ASCC3: variants seen among roughly 807,000 people sequenced by gnomAD.
The protein encoded by ASCC3 is activating signal cointegrator 1 complex subunit 3.
Under a neutral mutation model 256.3 loss-of-function variants are expected in ASCC3, and 158 were observed. The observed-to-expected ratio is 0.62, with a 90% CI of 0.54 to 0.70. The LOEUF is 0.70. Among genes scored for constraint, ASCC3 ranks in the 30% least tolerant of loss-of-function variants. The probability of loss-of-function intolerance (pLI) is 0.00; values close to 1 mark genes in which losing one functional copy is unlikely to be tolerated. For missense variants in ASCC3, 2,259 were observed against 2,626.0 expected (o/e 0.86, Z 3.05); for synonymous variants, 948 against 883.4 (o/e 1.07, Z -1.30).
intron 22 of ASCC3, 37 bp from the exon 23 acceptor site, chr6:100,644,166 A>G: frequency 3.7e-6 from 5 of 1,336,730 alleles, no homozygotes; most frequent in Non-Finnish European, 5.4e-6. Context: ...TATGCATATC[A>G]TAACTCAAAT....
rs1256109598 is a variant in ASCC3, at chr6:100,516,217, A to G, written c.6038T>C (p.Met2013Thr). The G allele has an allele frequency of 6.2e-7, 1 of 1,613,608 alleles. No individual in the cohort carries two copies. The highest frequency in any genetic ancestry group is 8.5e-7 in the Non-Finnish European group (1 of 1,179,690). ...TGCAGCATGTAGCTCACTTTCTACC[A>G]TGGAGCTAAATACATGGTCTTTCCC... ...CGGKDHVFSS[M>T]VESELHAAKT... Residue 2013 changes from methionine (M) to threonine (T), a missense_variant, in exon 39 of 42, where the codon ATG (methionine) becomes ACG (threonine). Coordinates refer to ENST00000369162, the MANE Select transcript of ASCC3 (RefSeq NM_006828.4).
At chr6:100,836,689 T>C (rs1219776133) in intron 4 of ASCC3, among the ~76,000 whole-genome samples, 1 of 152,178 alleles carries the variant, frequency 6.6e-6, no homozygotes, top group Non-Finnish European at 1.5e-5. Flanking sequence ...TCAGCAATAC[T>C]GGCCTATAGT....
At chr6:100,807,823 A>C (rs1407709810) in intron 4 of ASCC3, among the ~76,000 whole-genome samples, 1 of 151,882 alleles carries the variant, frequency 6.6e-6, no homozygotes, top group African/African-American at 2.4e-5. Context: ...AATTACTCCT[A>C]CTATATATAG....
intron 8 of ASCC3, among the ~76,000 whole-genome samples, chr6:100,767,889 T>C (rs976926557): frequency 6.6e-6 from 1 of 152,100 alleles, no homozygotes; most frequent in African/African-American, 2.4e-5. Context: ...GTGCTGGGAT[T>C]ACAGGCGTGA....
intron 36 of ASCC3, among the ~76,000 whole-genome samples, chr6:100,571,103 A>C (rs796295372): frequency 1.1e-4 from 17 of 152,226 alleles, no homozygotes; most frequent in African/African-American, 3.6e-4. Flanking sequence ...ACTCCTTACT[A>C]TGGCCCTAGA....
chr6:100,752,465 G>A (rs868733067), intron 10 of ASCC3, among the ~76,000 whole-genome samples: 2 of 152,058 alleles, frequency 1.3e-5, no homozygotes, highest in African/African-American at 4.8e-5. Context: ...TCCTTTTGAA[G>A]TAGTTTGCCC....
chr6:100,603,687 T>A (rs1316833805), intron 33 of ASCC3, among the ~76,000 whole-genome samples: 1 of 152,144 alleles, frequency 6.6e-6, no homozygotes, highest in Non-Finnish European at 1.5e-5. Flanking sequence ...TTTTTTTACA[T>A]CTATGAAATG....
intron 10 of ASCC3, among the ~76,000 whole-genome samples, chr6:100,751,584 C>T (rs1393294824): frequency 6.6e-6 from 1 of 151,812 alleles, no homozygotes; most frequent in East Asian, 1.9e-4. Flanking sequence ...CTCCAAAAGA[C>T]AAATTATTTT....
chr6:100,642,601 T>C lies in ASCC3; in HGVS notation c.3881A>G (p.Glu1294Gly). The stretch of plus-strand genomic sequence containing the variant: ...GTTACCTGTATGAGGAGGATGTCTC[T>C]CTGGTAGAATTAGATGTTGAAAGTT... ...IINFQHLILPERHPPHTELLD... is the reference protein window; with the variant it reads ...IINFQHLILPGRHPPHTELLD... Residue 1294 changes from glutamate to glycine, a missense_variant, in exon 24 of 42, where the codon GAG becomes GGG. This residue lies in a region of ASCC3 where 1,839 missense variants were observed against 2,206.7 expected (regional missense o/e 0.83). Coordinates refer to ENST00000369162, the MANE Select transcript of ASCC3 (RefSeq NM_006828.4). The C allele has an allele frequency of 1.9e-6, 3 of 1,613,948 alleles. No individual in the cohort carries two copies. The highest frequency in any genetic ancestry group is 2.5e-6 in the Non-Finnish European group (3 of 1,179,892).
chr6:100,838,953 ATACT>A (rs1772009754), intron 4 of ASCC3, among the ~76,000 whole-genome samples: 1 of 152,088 alleles, frequency 6.6e-6, no homozygotes, highest in African/African-American at 2.4e-5. Context: ...TCTAATAACC[ATACT>A]TATTTATGTT....
At chr6:100,793,833 TCTTGCTCCTAACTAACA>T (rs1237652593) in intron 8 of ASCC3, among the ~76,000 whole-genome samples, 3 of 151,810 alleles carry the variant, frequency 2.0e-5, no homozygotes, top group Non-Finnish European at 2.9e-5. Context: ...CATTCAGGGG[TCTTGCTCCTAACTAACA>T]CTTGCTCCTA....
At chr6:100,630,886 A>T (rs1245149858) in intron 26 of ASCC3, among the ~76,000 whole-genome samples, 2 of 152,252 alleles carry the variant, frequency 1.3e-5, no homozygotes, top group Middle Eastern at 3.4e-3. Context: ...AAAAGTACTC[A>T]CATTAAGTAA....
At chr6:100,768,550 T>G (rs1781773633) in intron 8 of ASCC3, among the ~76,000 whole-genome samples, 1 of 152,178 alleles carries the variant, frequency 6.6e-6, no homozygotes, top group Non-Finnish European at 1.5e-5. Context: ...TAAACATTTG[T>G]ATACCTAATA....
At chr6:100,671,513 G>A (rs1776742124) in intron 14 of ASCC3, among the ~76,000 whole-genome samples, 1 of 152,038 alleles carries the variant, frequency 6.6e-6, no homozygotes, top group Non-Finnish European at 1.5e-5. Flanking sequence ...GCTGTGAAAA[G>A]GTAAAGGAAG....
At position 100,509,490 on chromosome 6, in the gene ASCC3, G is replaced by C. The variant is rs1297770756; in HGVS notation, c.6505C>G (p.Leu2169Val). The C allele has an allele frequency of 1.9e-6, 3 of 1,613,824 alleles. No homozygotes were observed. The highest frequency in any genetic ancestry group is 1.3e-5 in the African/African-American group (1 of 74,914). ...AGATAGATGTCATACTGCTGGTCCA[G>C]GCCAAGGTAGCAGTCACTCATGAAA... is the stretch of plus-strand genomic sequence containing the variant. ...LYFMSDCYLGLDQQYDIYLNV... is the reference protein window; with the variant it reads ...LYFMSDCYLGVDQQYDIYLNV... Residue 2169 changes from leucine to valine, a missense_variant, in exon 42 of 42, where the codon CTG (leucine) becomes GTG (valine). This residue lies in a region of ASCC3 where 1,839 missense variants were observed against 2,206.7 expected (regional missense o/e 0.83). Transcript: ENST00000369162.
At chr6:100,544,444 G>A (rs141673680) in intron 36 of ASCC3, among the ~76,000 whole-genome samples, 8 of 152,104 alleles carry the variant, frequency 5.3e-5, no homozygotes, top group East Asian at 3.9e-4. Flanking sequence ...GGAAAAAGGA[G>A]AGAAGACACA....
At chr6:100,754,542 A>G (rs1165789588) in intron 10 of ASCC3, among the ~76,000 whole-genome samples, 1 of 152,196 alleles carries the variant, frequency 6.6e-6, no homozygotes, top group Non-Finnish European at 1.5e-5. Context: ...CTGTTGTACT[A>G]CCAAATAGTA....
At chr6:100,798,013 T>G (rs796370090) in intron 8 of ASCC3, among the ~76,000 whole-genome samples, 21 of 152,276 alleles carry the variant, frequency 1.4e-4, no homozygotes, top group African/African-American at 5.1e-4. Context: ...AAGTTCATTT[T>G]GGTTGGCTGT....
At chr6:100,856,130 A>T (rs898078916) in intron 3 of ASCC3, among the ~76,000 whole-genome samples, 2 of 152,166 alleles carry the variant, frequency 1.3e-5, no homozygotes, top group South Asian at 2.1e-4. Context: ...ATTAGCACAG[A>T]CTTGAGCCCT....
Sources: gnomAD v4.1 joint callset for allele counts (sites outside exome capture counted in the v4.1 genomes callset) on GRCh38, gnomAD v4.1.1 for gene constraint, gnomAD v4.1.1 regional missense constraint, MANE v1.5 for transcripts, NCBI Gene and HGNC (gene_info 2026-07-23, HGNC 2026-07-21) for gene names.